GRAMD1C: variants seen among roughly 807,000 people sequenced by gnomAD.
The protein encoded by GRAMD1C is protein Aster-C.
Under a neutral mutation model 97.8 loss-of-function variants are expected in GRAMD1C, and 89 were observed. That is an observed-to-expected ratio of 0.91 (90% confidence interval 0.77 to 1.09). GRAMD1C has a LOEUF of 1.09. GRAMD1C is among the 50% of genes least tolerant of loss of function. The pLI is 0.00. For missense variants in GRAMD1C, 740 were observed against 766.4 expected (o/e 0.97, Z 0.41); for synonymous variants, 256 against 267.0 (o/e 0.96, Z 0.40).
chr3:113,856,276 G>C lies in GRAMD1C; in HGVS notation c.174+11627G>C, dbSNP rs187873677. Among the ~76,000 whole-genome samples, 602 of 152,042 alleles carry C rather than the reference G, an allele frequency of 4.0e-3. 8 individuals are homozygous for C. The highest frequency in any genetic ancestry group is 0.031 in the South Asian group (147 of 4,810). The stretch of plus-strand genomic sequence containing the variant: ...CTTCTTGGTAAAAGAGGTAAGTGTA[G>C]ACCCACATGCATTTTTGAAGAAATA... On this transcript the variant is annotated intron_variant, in intron 2 of 17. Transcript: ENST00000358160.
intron 12 of GRAMD1C, 27 bp downstream of exon 12, chr3:113,933,680 G>A (rs752677473): frequency 2.0e-6 from 3 of 1,529,414 alleles, no homozygotes; most frequent in Non-Finnish European, 2.7e-6. Context: ...GAATGTGTTA[G>A]GATAGGCTAG....
intron 2 of GRAMD1C, among the ~76,000 whole-genome samples, chr3:113,861,401 G>A (rs1049471078): frequency 1.3e-5 from 2 of 152,120 alleles, no homozygotes; most frequent in African/African-American, 4.8e-5. Flanking sequence ...ACCTACTTAG[G>A]AGGCTGAGGT....
chr3:113,930,166 G>A (rs1211491433), intron 10 of GRAMD1C, among the ~76,000 whole-genome samples: 1 of 152,042 alleles, frequency 6.6e-6, no homozygotes. Flanking sequence ...GTCTTCTTAA[G>A]ACAGATTATA....
At chr3:113,843,835 C>A (rs558810356) in intron 1 of GRAMD1C, among the ~76,000 whole-genome samples, 2 of 152,126 alleles carry the variant, frequency 1.3e-5, no homozygotes, top group African/African-American at 4.8e-5. Context: ...TATTGATGGA[C>A]GGTGAGGTTA....
Position 113,936,249 on chromosome 3 carries a change from G to GTTT in GRAMD1C, c.1457-8_1457-6dup. ...GAGCTTTCCTCACTATATAAAGATT[G>GTTT]TTTTTTTTTTTCTTAGAATCAGATT... On this transcript the variant is annotated splice_polypyrimidine_tract_variant and intron_variant, in intron 13 of 17. Transcript: ENST00000358160. 9 of 1,175,650 alleles carry GTTT rather than the reference G, an allele frequency of 7.7e-6. No homozygotes were observed. Among genetic ancestry groups the GTTT allele is most frequent in the South Asian group, 4.5e-5 (3 of 67,172 alleles). 72.8% of individuals were successfully genotyped at this position (1,175,650 alleles called of 1,614,324 possible).
intron 11 of GRAMD1C, 91 bp from the exon 12 acceptor site, chr3:113,933,420 A>T: frequency 1.2e-6 from 1 of 833,814 alleles, no homozygotes; most frequent in Non-Finnish European, 1.9e-6. Flanking sequence ...GTAATTTTTG[A>T]GAAGGAATAC....
At chr3:113,903,798 A>G (rs1019307829) in intron 7 of GRAMD1C, among the ~76,000 whole-genome samples, 1 of 150,388 alleles carries the variant, frequency 6.6e-6, no homozygotes, top group African/African-American at 2.5e-5. Flanking sequence ...TCAAACATCT[A>G]CTCTGTACCT....
intron 2 of GRAMD1C, chr3:113,850,710 G>C (rs7628746): frequency 6.4e-7 from 1 of 1,559,950 alleles, no homozygotes; most frequent in South Asian, 1.1e-5. Context: ...ATGGCAATCC[G>C]GTTCTTCTTA....
chr3:113,864,825 C>T (rs550860178), intron 2 of GRAMD1C, among the ~76,000 whole-genome samples: 150 of 152,268 alleles, frequency 9.9e-4, no homozygotes, highest in African/African-American at 3.4e-3. Context: ...GCAATCTAGG[C>T]TTTTTCTAGC....
Position 113,871,008 on chromosome 3 carries a change from CACACACACACACACAG to C in GRAMD1C, c.259+1419_259+1434del, listed in dbSNP as rs1458343674. ...ACACACACACACACACACACACACA[CACACACACACACACAG>C]AGGAATATTAAGTACTAAGAAAATA... On this transcript the variant is annotated intron_variant, in intron 3 of 17. Transcript: ENST00000358160. Among the ~76,000 whole-genome samples, 124 of 109,832 alleles carry C rather than the reference CACACACACACACACAG, an allele frequency of 1.1e-3. 2 individuals are homozygous for C. Among genetic ancestry groups the C allele is most frequent in the Middle Eastern group, 7.4e-3 (2 of 270 alleles). The allele number at this position is 109,832 out of a possible 152,430, so 72.1% of individuals were successfully genotyped here. A position where few individuals can be genotyped will look rare whatever the true frequency, so the allele number is the denominator to read the frequency against.
At chr3:113,850,619 C>G (rs1196839730) in intron 2 of GRAMD1C, 2 of 1,607,568 alleles carry the variant, frequency 1.2e-6, no homozygotes, top group African/African-American at 1.3e-5. Context: ...TGGGCACATT[C>G]TTGTCTGCCA....
chr3:113,840,067 C>A (rs1178146402), intron 1 of GRAMD1C, among the ~76,000 whole-genome samples: 4 of 152,042 alleles, frequency 2.6e-5, no homozygotes, highest in Non-Finnish European at 4.4e-5. Flanking sequence ...CCCGGGTTCA[C>A]GCCATTCTTC....
intron 2 of GRAMD1C, among the ~76,000 whole-genome samples, chr3:113,856,584 G>T (rs1237196637): frequency 6.6e-6 from 1 of 152,180 alleles, no homozygotes; most frequent in African/African-American, 2.4e-5. Context: ...CTGTCGCCCA[G>T]GCGGGAGTGC....
intron 2 of GRAMD1C, among the ~76,000 whole-genome samples, chr3:113,857,243 C>G (rs370554601): frequency 6.6e-6 from 1 of 152,116 alleles, no homozygotes; most frequent in East Asian, 1.9e-4. Context: ...TGAATAAGAA[C>G]GGTGAGAGTG....
At chr3:113,875,349 C>T (rs184599851) in intron 3 of GRAMD1C, 135 bp from the exon 4 acceptor site, 175 of 578,982 alleles carry the variant, frequency 3.0e-4, no homozygotes, top group African/African-American at 2.9e-3. Flanking sequence ...ATATGGTGTC[C>T]AAAGTAGATG....
intron 2 of GRAMD1C, among the ~76,000 whole-genome samples, chr3:113,864,386 T>A (rs1934506189): frequency 6.6e-6 from 1 of 152,296 alleles, no homozygotes; most frequent in Non-Finnish European, 1.5e-5. Flanking sequence ...ATTGCTGGGA[T>A]TACAGACATG....
chr3:113,933,659 C>G lies in GRAMD1C; in HGVS notation c.1352+6C>G, dbSNP rs370355055. ...AAACAGAAATGCAGGCTAAGGTGAG[C>G]TGCTGTACATGAATGTGTTAGGATA... On this transcript the variant is annotated splice_donor_region_variant and intron_variant, in intron 12 of 17. Transcript: ENST00000358160. The G allele has an allele frequency of 2.5e-5, 40 of 1,596,868 alleles. No individual in the cohort carries two copies. Among genetic ancestry groups the G allele is most frequent in the Non-Finnish European group, 3.4e-5 (40 of 1,165,418 alleles).
At chr3:113,853,762 A>G (rs1934006382) in intron 2 of GRAMD1C, among the ~76,000 whole-genome samples, 1 of 152,216 alleles carries the variant, frequency 6.6e-6, no homozygotes, top group Admixed American at 6.5e-5. Context: ...GAAGACAACA[A>G]AAGAATGTAA....
At chr3:113,921,552 G>A (rs1207930768) in intron 10 of GRAMD1C, among the ~76,000 whole-genome samples, 1 of 152,134 alleles carries the variant, frequency 6.6e-6, no homozygotes, top group East Asian at 1.9e-4. Flanking sequence ...TTCCACAATG[G>A]CTGAACTAAT....
Sources: allele counts gnomAD v4.1 joint callset (sites outside exome capture counted in the v4.1 genomes callset), GRCh38; gene constraint gnomAD v4.1.1; transcripts MANE v1.5; gene names NCBI Gene and HGNC (gene_info 2026-07-23, HGNC 2026-07-21).